Variants in IDO2 observed in about 807,000 individuals in gnomAD.
IDO2 encodes indoleamine 2,3-dioxygenase 2.
IDO2 carries 46 observed loss-of-function variants against 45.1 expected under a neutral mutation model. That is an observed-to-expected ratio of 1.02 (90% confidence interval 0.80 to 1.30). The LOEUF is 1.30. IDO2 is among the 50% of genes most tolerant of loss of function. The pLI, the probability that IDO2 is intolerant of heterozygous loss-of-function variation, is 0.00. For missense variants in IDO2, 544 were observed against 491.8 expected (o/e 1.11, Z -1.00); for synonymous variants, 218 against 184.9 (o/e 1.18, Z -1.45).
intron 2 of IDO2, among the ~76,000 whole-genome samples, chr8:39,953,825 G>C (rs1276430979): frequency 2.6e-5 from 4 of 152,044 alleles, no homozygotes. Context: ...TCGGCCCTCT[G>C]TCTCAAAACA....
chr8:39,940,655 T>C (rs1385774945), intron 1 of IDO2, among the ~76,000 whole-genome samples: 1 of 152,214 alleles, frequency 6.6e-6, no homozygotes, highest in Non-Finnish European at 1.5e-5. Context: ...GTCACCTTAC[T>C]GTGCTATAGA....
At chr8:39,990,971 A>G (rs1043851726) in intron 8 of IDO2, among the ~76,000 whole-genome samples, 8 of 152,180 alleles carry the variant, frequency 5.3e-5, no homozygotes, top group African/African-American at 1.9e-4. Context: ...TAACAAGAGA[A>G]TATCAGAGTC....
At chr8:39,936,203 T>A (rs1807547094) in intron 1 of IDO2, among the ~76,000 whole-genome samples, 1 of 152,178 alleles carries the variant, frequency 6.6e-6, no homozygotes, top group Admixed American at 6.5e-5. Flanking sequence ...TACAAGGTCA[T>A]CTATTTTACA....
intron 4 of IDO2, 79 bp from the exon 5 acceptor site, chr8:39,982,573 A>G: frequency 1.0e-6 from 1 of 994,112 alleles, no homozygotes; most frequent in Non-Finnish European, 1.5e-6. Context: ...AGGATTGCCG[A>G]AATAAAAGAC....
At chr8:39,992,825 C>G (rs1381815024) in intron 8 of IDO2, among the ~76,000 whole-genome samples, 1 of 152,126 alleles carries the variant, frequency 6.6e-6, no homozygotes, top group African/African-American at 2.4e-5. Context: ...ATAAATACTT[C>G]CTTTCCAGGC....
intron 1 of IDO2, among the ~76,000 whole-genome samples, chr8:39,938,570 GA>G (rs71237199): frequency 0.35 from 52,712 of 151,486 alleles, 11,200 homozygotes; most frequent in Non-Finnish European, 0.47. Context: ...CGCAATCAAT[GA>G]AAAAAAATGA....
chr8:39,943,187 GGGAAACCCC>G (rs1354011407), intron 1 of IDO2, among the ~76,000 whole-genome samples: 3 of 151,912 alleles, frequency 2.0e-5, no homozygotes, highest in African/African-American at 4.8e-5. Flanking sequence ...GACTAACGTG[GGGAAACCCC>G]GTCTTTAAGA....
intron 1 of IDO2, among the ~76,000 whole-genome samples, chr8:39,944,660 C>T (rs1342763244): frequency 6.6e-6 from 1 of 152,296 alleles, no homozygotes; most frequent in Middle Eastern, 3.4e-3. Flanking sequence ...TTGTAATAGT[C>T]TTAAAGCCCC....
intron 8 of IDO2, among the ~76,000 whole-genome samples, chr8:40,002,383 A>G (rs939413994): frequency 2.6e-5 from 4 of 152,052 alleles, no homozygotes; most frequent in African/African-American, 9.7e-5. Flanking sequence ...GGTATTCCTC[A>G]TTTTCAAGCA....
chr8:39,939,256 A>AAC (rs1807605055), intron 1 of IDO2, among the ~76,000 whole-genome samples: 1 of 147,666 alleles, frequency 6.8e-6, no homozygotes, highest in Non-Finnish European at 1.5e-5. Context: ...AAAAAAAAAA[A>AAC]AAAAAAGAGG....
intron 6 of IDO2, 75 bp from the exon 7 acceptor site, chr8:39,987,796 G>T: frequency 1.2e-6 from 1 of 832,816 alleles, no homozygotes; most frequent in East Asian, 2.6e-5. Context: ...ATCTAACTCG[G>T]CAGGGAACTC....
chr8:39,964,566 T>C (rs1808053894), intron 3 of IDO2, among the ~76,000 whole-genome samples: 1 of 152,240 alleles, frequency 6.6e-6, no homozygotes, highest in Admixed American at 6.5e-5. Context: ...TGATGGATAA[T>C]ATTTAATGTC....
intron 1 of IDO2, among the ~76,000 whole-genome samples, chr8:39,939,644 C>A (rs1172987512): frequency 4.1e-5 from 5 of 121,900 alleles, no homozygotes; most frequent in African/African-American, 3.1e-5. Flanking sequence ...TTATTAAGTA[C>A]AGTAAAATAA....
intron 8 of IDO2, chr8:39,998,143 A>G: frequency 5.4e-6 from 1 of 185,878 alleles, no homozygotes; most frequent in Non-Finnish European, 1.2e-5. Flanking sequence ...AATCCTCTCC[A>G]CTGGCCATTT....
intron 2 of IDO2, among the ~76,000 whole-genome samples, chr8:39,958,178 T>A (rs1322376080): frequency 6.6e-6 from 1 of 151,796 alleles, no homozygotes; most frequent in East Asian, 1.9e-4. Flanking sequence ...GTGCTGGGAT[T>A]ACAGGCGCGA....
chr8:39,983,781 G>A (rs111704020), intron 5 of IDO2, among the ~76,000 whole-genome samples: 6,162 of 151,900 alleles, frequency 0.041, 428 homozygotes, highest in African/African-American at 0.14. Flanking sequence ...CAGGAGAATT[G>A]CTTGAACGAA....
chr8:39,949,218 G>C (rs764620612), exon 2 of IDO2: 5 of 1,606,514 alleles, frequency 3.1e-6, no homozygotes, highest in Non-Finnish European at 4.3e-6. Context: ...TCTTTGGAAA[G>C]CTATCACATA....
chr8:39,937,847 C>G (rs1461923608), intron 1 of IDO2, among the ~76,000 whole-genome samples: 1 of 151,958 alleles, frequency 6.6e-6, no homozygotes, highest in Admixed American at 6.6e-5. Flanking sequence ...AATGAGACAA[C>G]AAAGATCAAG....
chr8:39,991,565 C>CTTTTTTTT (rs61354300), intron 8 of IDO2, among the ~76,000 whole-genome samples: 7 of 103,330 alleles, frequency 6.8e-5, no homozygotes, highest in African/African-American at 1.8e-4. Flanking sequence ...AGACTCACTT[C>CTTTTTTTT]TTTTTTTTTT....
Sources: allele counts gnomAD v4.1 joint callset (sites outside exome capture counted in the v4.1 genomes callset), GRCh38; gene constraint gnomAD v4.1.1; transcripts MANE v1.5; gene names NCBI Gene and HGNC (gene_info 2026-07-23, HGNC 2026-07-21).